Variants in BRWD3 observed in about 807,000 individuals in gnomAD.
BRWD3 encodes bromodomain and WD repeat-containing protein 3.
A neutral mutation model predicts 149.7 loss-of-function variants in BRWD3; 10 were observed. That is an observed-to-expected ratio of 0.07 (90% confidence interval 0.04 to 0.11). The LOEUF (loss-of-function observed/expected upper bound fraction) is 0.11. BRWD3 is among the 10% of genes least tolerant of loss of function. The pLI is 1.00. For synonymous variants in BRWD3, 504 were observed against 456.7 expected, an observed-to-expected ratio of 1.10 and a Z score of -1.32; for missense variants, 940 against 1,373.2, an observed-to-expected ratio of 0.68 and a Z score of 4.99.
intron 38 of BRWD3, 105 bp downstream of exon 38, chrX:80,682,360 A>G (rs1458044629): frequency 1.1e-6 from 1 of 942,262 alleles, no homozygotes; most frequent in Non-Finnish European, 1.5e-6. Context: ...ACAAACAAAA[A>G]AAGACCTCTT....
chrX:80,723,013 T>C (rs1324699011), intron 16 of BRWD3, among the ~76,000 whole-genome samples: 1 of 111,615 alleles, frequency 9.0e-6, no homozygotes, highest in Non-Finnish European at 1.9e-5. Flanking sequence ...TTTAGACATA[T>C]CATATTTCTT....
At chrX:80,695,068 C>T (rs1274686849) in intron 27 of BRWD3, among the ~76,000 whole-genome samples, 1 of 110,701 alleles carries the variant, frequency 9.0e-6, no homozygotes, top group African/African-American at 3.3e-5. Flanking sequence ...GGCAGTTTCC[C>T]ACATGTTGTT....
chrX:80,686,582 G>T (rs1212997268), intron 35 of BRWD3, among the ~76,000 whole-genome samples: 1 of 110,685 alleles, frequency 9.0e-6, no homozygotes, highest in Non-Finnish European at 1.9e-5. Flanking sequence ...TGTATTCGAG[G>T]TTAGTAAAAT....
At chrX:80,741,935 C>T (rs2073516912) in intron 8 of BRWD3, among the ~76,000 whole-genome samples, 1 of 111,570 alleles carries the variant, frequency 9.0e-6, no homozygotes, top group Non-Finnish European at 1.9e-5. Context: ...TTTGTCAATT[C>T]TGGCTTTTGT....
intron 4 of BRWD3, among the ~76,000 whole-genome samples, chrX:80,800,562 C>A (rs1310512327): frequency 4.1e-5 from 4 of 98,722 alleles, no homozygotes; most frequent in Non-Finnish European, 6.1e-5. Context: ...AATACAAATA[C>A]AAATACTTGT....
At chrX:80,725,956 AAC>A (rs775088571) in intron 14 of BRWD3, among the ~76,000 whole-genome samples, 9 of 109,830 alleles carry the variant, frequency 8.2e-5, no homozygotes, top group Admixed American at 3.8e-4. Flanking sequence ...ATGTCTATAT[AAC>A]ACATAACATG....
intron 8 of BRWD3, 24 bp downstream of exon 8, chrX:80,744,008 G>A (rs1268599665): frequency 1.7e-6 from 2 of 1,155,208 alleles, no homozygotes; most frequent in South Asian, 1.8e-5. Context: ...ATATGTTCAA[G>A]CTAAATTTTA....
intron 40 of BRWD3, among the ~76,000 whole-genome samples, chrX:80,679,840 C>T (rs2072420560): frequency 9.0e-6 from 1 of 110,939 alleles, no homozygotes; most frequent in Non-Finnish European, 1.9e-5. Context: ...ATAAACGACT[C>T]TGTGGATGGG....
At chrX:80,704,902 T>C in intron 22 of BRWD3, 56 bp from the exon 23 acceptor site, 1 of 1,070,156 alleles carries the variant, frequency 9.3e-7, no homozygotes, top group Non-Finnish European at 1.3e-6. Context: ...TAGTTTTACT[T>C]AATAATTGAA....
chrX:80,707,609 CAA>C (rs1328355020), intron 21 of BRWD3, 106 bp from the exon 22 acceptor site: 2 of 732,226 alleles, frequency 2.7e-6, no homozygotes, highest in Non-Finnish European at 4.1e-6. Flanking sequence ...ATTCTGCCCT[CAA>C]AAAATGTTCT....
Position 80,735,753 on chromosome X carries a change from A to C in BRWD3, c.914+235T>G, listed in dbSNP as rs184887405. Among the ~76,000 whole-genome samples the C allele has an allele frequency of 0.081, 8,409 of 104,449 alleles. 368 individuals are homozygous for C. The highest frequency in any genetic ancestry group is 0.18 in the South Asian group (379 of 2,136). 90.7% of individuals were successfully genotyped at this position (104,449 alleles called of 115,157 possible). ...CGGAAGGCGGAGCTTGCAGTGAGCCAAGATCACACCACTGCACTCCAGCCT... is the reference window on the plus strand; with the variant it reads ...CGGAAGGCGGAGCTTGCAGTGAGCCCAGATCACACCACTGCACTCCAGCCT... On this transcript the variant is annotated intron_variant, in intron 9 of 40. Transcript: ENST00000373275.
chrX:80,755,012 T>TAAAA (rs989131166), intron 6 of BRWD3, among the ~76,000 whole-genome samples: 2 of 105,739 alleles, frequency 1.9e-5, no homozygotes, highest in African/African-American at 3.4e-5. Context: ...CGTCTCAAAT[T>TAAAA]AAAAAAAAAA....
intron 21 of BRWD3, 34 bp from the exon 22 acceptor site, chrX:80,707,537 A>T (rs754200994): frequency 8.8e-7 from 1 of 1,142,386 alleles, no homozygotes; most frequent in Admixed American, 2.2e-5. Context: ...AGATATATGG[A>T]TATTACCAGC....
intron 6 of BRWD3, among the ~76,000 whole-genome samples, chrX:80,770,314 ACC>A (rs2073924546): frequency 1.8e-5 from 2 of 111,655 alleles, no homozygotes; most frequent in African/African-American, 6.5e-5. Flanking sequence ...AGAATTTTAG[ACC>A]AATATCCCTG....
rs769243593 is a variant in BRWD3 at position 80,729,838 on chromosome X, AG to A, written c.1232+77del. 2.1e-5 allele frequency: 15 copies of A among 698,462 alleles called. No homozygotes were observed. In the East Asian group the frequency reaches 5.0e-4, roughly 23 times the overall value. The allele number at this position is 698,462 out of a possible 1,213,427, so 57.6% of individuals were successfully genotyped here. On this transcript the variant is annotated intron_variant, in intron 13 of 40. Transcript: ENST00000373275. Reference sequence around the variant, plus strand: ...CTTCAAACTATTTATTAATGTAAAAAGATATTTTATATTCACTATTAAACTC... The same window carrying A: ...CTTCAAACTATTTATTAATGTAAAAAATATTTTATATTCACTATTAAACTC...
At chrX:80,786,999 T>C (rs1428768692) in intron 6 of BRWD3, among the ~76,000 whole-genome samples, 1 of 110,127 alleles carries the variant, frequency 9.1e-6, no homozygotes, top group Non-Finnish European at 1.9e-5. Flanking sequence ...TTAAACCTAG[T>C]AAGTAAATGT....
intron 33 of BRWD3, among the ~76,000 whole-genome samples, chrX:80,688,344 C>A (rs2072562574): frequency 9.0e-6 from 1 of 111,411 alleles, no homozygotes; most frequent in Admixed American, 9.6e-5. Flanking sequence ...AACAAGGTTT[C>A]TCTTTAAACA....
At chrX:80,689,706 A>C in intron 33 of BRWD3, 62 bp downstream of exon 33, 2 of 990,106 alleles carry the variant, frequency 2.0e-6, no homozygotes, top group Non-Finnish European at 2.8e-6. Flanking sequence ...ATTTACACAT[A>C]ATACTGTACT....
At chrX:80,702,812 T>C (rs1354568739) in intron 24 of BRWD3, among the ~76,000 whole-genome samples, 6 of 111,898 alleles carry the variant, frequency 5.4e-5, no homozygotes, top group Non-Finnish European at 9.4e-5. Flanking sequence ...AATGACAATA[T>C]TACATTTCTA....
Sources: allele counts gnomAD v4.1 joint callset (sites outside exome capture counted in the v4.1 genomes callset), GRCh38; gene constraint gnomAD v4.1.1; transcripts MANE v1.5; gene names NCBI Gene and HGNC (gene_info 2026-07-23, HGNC 2026-07-21).